LRRTM4: variants seen among roughly 807,000 people sequenced by gnomAD.
LRRTM4 encodes the protein leucine rich repeat transmembrane neuronal 4, also known as leucine-rich repeat transmembrane neuronal protein 4.
LRRTM4 carries 25 observed loss-of-function variants against 47.6 expected under a neutral mutation model. The ratio of observed to expected loss-of-function variants is 0.53; its 90% CI spans 0.38 to 0.73. The LOEUF is 0.73. Among genes scored for constraint, LRRTM4 ranks in the 30% least tolerant of loss-of-function variants. The pLI is 0.00. For synonymous variants in LRRTM4, 311 were observed against 269.5 expected (o/e 1.15, Z -1.51); for missense variants, 638 against 713.4 (o/e 0.89, Z 1.20).
chr2:77,007,680 C>G (rs1677707634), intron 3 of LRRTM4, among the ~76,000 whole-genome samples: 1 of 152,102 alleles, frequency 6.6e-6, no homozygotes, highest in Admixed American at 6.6e-5. Context: ...TCAAGTCTCT[C>G]TAAAGGGAAA....
chr2:76,988,980 CAATT>C (rs1676907668), intron 3 of LRRTM4, among the ~76,000 whole-genome samples: 2 of 151,922 alleles, frequency 1.3e-5, no homozygotes, highest in East Asian at 3.9e-4. Context: ...CAGGTATTAT[CAATT>C]ATTATGAAAA....
chr2:76,795,968 C>A (rs1209225644), intron 3 of LRRTM4, among the ~76,000 whole-genome samples: 3 of 148,876 alleles, frequency 2.0e-5, no homozygotes, highest in Middle Eastern at 6.4e-3. Flanking sequence ...GCACCATGTG[C>A]GAGCCGAAGC....
At chr2:77,231,590 G>A (rs1674966938) in intron 3 of LRRTM4, among the ~76,000 whole-genome samples, 1 of 151,898 alleles carries the variant, frequency 6.6e-6, no homozygotes, top group Non-Finnish European at 1.5e-5. Context: ...TTATTATCTG[G>A]TAATTTATAG....
At chr2:77,517,451 T>C in intron 3 of LRRTM4, 3 of 985,186 alleles carry the variant, frequency 3.0e-6, no homozygotes, top group Non-Finnish European at 3.6e-6. Flanking sequence ...AAACAGTCCC[T>C]GTTATGACTG....
intron 3 of LRRTM4, among the ~76,000 whole-genome samples, chr2:77,093,856 T>C (rs954048642): frequency 1.3e-5 from 2 of 151,908 alleles, no homozygotes; most frequent in African/African-American, 4.9e-5. Flanking sequence ...CATTACCTTG[T>C]GAAAGTCCTT....
At chr2:77,117,915 A>G (rs560462558) in intron 3 of LRRTM4, among the ~76,000 whole-genome samples, 71 of 152,058 alleles carry the variant, frequency 4.7e-4, no homozygotes, top group Non-Finnish European at 8.4e-4. Flanking sequence ...GAATTCCTGT[A>G]TTATAGAATA....
At chr2:77,118,838 T>A (rs535824794) in intron 3 of LRRTM4, among the ~76,000 whole-genome samples, 71 of 151,964 alleles carry the variant, frequency 4.7e-4, no homozygotes, top group Admixed American at 7.9e-4. Flanking sequence ...AAAGATCAAG[T>A]GAAAAAATCT....
chr2:77,321,643 G>A (rs983323214), intron 3 of LRRTM4, among the ~76,000 whole-genome samples: 4 of 151,402 alleles, frequency 2.6e-5, no homozygotes, highest in Non-Finnish European at 5.9e-5. Context: ...CAAAACCGGG[G>A]GGAAATATCC....
chr2:76,769,403 T>G (rs1673589791), intron 3 of LRRTM4, among the ~76,000 whole-genome samples: 2 of 152,156 alleles, frequency 1.3e-5, no homozygotes, highest in African/African-American at 2.4e-5. Context: ...TAGTCTGTGT[T>G]TTCTGTGAAC....
In LRRTM4 at chr2:77,522,093, A is replaced by G. The variant is rs1679537722; in HGVS notation, c.-148+16T>C. Reference sequence around the variant, plus strand: ...CTCTGTAAAAAGAGAGGAAAAAAAGAAAATCTTCAGAATACCTGGCATTCC... The same window carrying G: ...CTCTGTAAAAAGAGAGGAAAAAAAGGAAATCTTCAGAATACCTGGCATTCC... On this transcript the variant is annotated intron_variant, in intron 1 of 3. Coordinates refer to ENST00000409884, the MANE Select transcript of LRRTM4 (RefSeq NM_001134745.3). 2 of 716,150 alleles carry G rather than the reference A, an allele frequency of 2.8e-6. No homozygotes were observed. The highest frequency in any genetic ancestry group is 1.7e-5 in the African/African-American group (1 of 57,266). 44.4% of individuals were successfully genotyped at this position (716,150 alleles called of 1,614,324 possible).
chr2:77,338,190 A>G (rs184998542), intron 3 of LRRTM4, among the ~76,000 whole-genome samples: 105 of 152,090 alleles, frequency 6.9e-4, no homozygotes, highest in Non-Finnish European at 1.8e-4. Context: ...GAGAAATAAT[A>G]TATGACTAAG....
chr2:77,463,787 G>A (rs916042922), intron 3 of LRRTM4, among the ~76,000 whole-genome samples: 1 of 151,998 alleles, frequency 6.6e-6, no homozygotes, highest in African/African-American at 2.4e-5. Context: ...GTGATATATC[G>A]AATAGTGTTA....
intron 3 of LRRTM4, among the ~76,000 whole-genome samples, chr2:76,985,246 A>G (rs1429395296): frequency 1.3e-5 from 2 of 152,044 alleles, no homozygotes; most frequent in South Asian, 4.1e-4. Flanking sequence ...TGTATTAGAA[A>G]GATGTAAAAG....
rs369644124 is a variant in LRRTM4, at chr2:77,350,295, C to T, written c.1551+168023G>A. Among the ~76,000 whole-genome samples the T allele has an allele frequency of 4.7e-4, 61 of 128,808 alleles. 1 individual carries two copies. In the South Asian group the frequency reaches 0.015, roughly 31 times the overall value. The allele number at this position is 128,808 out of a possible 152,430, so 84.5% of individuals were successfully genotyped here. On this transcript the variant is annotated intron_variant, in intron 3 of 3. Coordinates refer to ENST00000409884, the MANE Select transcript of LRRTM4 (RefSeq NM_001134745.3). ...GAGCCGAGATTGCGCCACTGCAGTC[C>T]GCAGTCCGGCCTGGGCGACAGAGCA...
intron 3 of LRRTM4, among the ~76,000 whole-genome samples, chr2:77,407,636 T>TAA (rs1310896143): frequency 3.4e-5 from 4 of 116,830 alleles, no homozygotes; most frequent in African/African-American, 1.2e-4. Flanking sequence ...TGATATATTA[T>TAA]TATATAATAT....
In LRRTM4 at chr2:76,797,030, G is replaced by A. The variant is rs185394261; in HGVS notation, c.1552-48114C>T. On this transcript the variant is annotated intron_variant, in intron 3 of 3. Transcript: ENST00000409884. ...TGATGGGGAGAATGCAAACAAGTTG[G>A]AAAACACTCTGCAGGATATTATCCA... is the stretch of plus-strand genomic sequence containing the variant. 5.6e-3 allele frequency among the ~76,000 whole-genome samples: 848 copies of A among 152,184 alleles called. 9 individuals are homozygous for A. Among genetic ancestry groups the A allele is most frequent in the African/African-American group, 0.02 (810 of 41,524 alleles).
intron 3 of LRRTM4, among the ~76,000 whole-genome samples, chr2:77,122,796 A>C (rs1190095903): frequency 6.6e-5 from 10 of 151,910 alleles, no homozygotes; most frequent in Admixed American, 6.6e-4. Context: ...AAACTGAAGG[A>C]GAGGCAAAAC....
At chr2:77,389,598 T>C (rs1157769514) in intron 3 of LRRTM4, among the ~76,000 whole-genome samples, 1 of 152,110 alleles carries the variant, frequency 6.6e-6, no homozygotes, top group Non-Finnish European at 1.5e-5. Flanking sequence ...GGATTGATAA[T>C]TTGAATATAT....
chr2:76,840,020 C>A (rs1165910685), intron 3 of LRRTM4, among the ~76,000 whole-genome samples: 2 of 152,082 alleles, frequency 1.3e-5, no homozygotes, highest in Non-Finnish European at 2.9e-5. Flanking sequence ...GGCAGACCCC[C>A]TGCTGCCTAA....
Sources: gnomAD v4.1 joint callset for allele counts (sites outside exome capture counted in the v4.1 genomes callset) on GRCh38, gnomAD v4.1.1 for gene constraint, MANE v1.5 for transcripts, NCBI Gene and HGNC (gene_info 2026-07-23, HGNC 2026-07-21) for gene names.